PROS1: variants seen among roughly 807,000 people sequenced by gnomAD.
PROS1 encodes the protein vitamin K-dependent protein S.
PROS1 carries 29 observed loss-of-function variants against 75.9 expected under a neutral mutation model. That is an observed-to-expected ratio of 0.38 (90% CI 0.28 to 0.52). The LOEUF (loss-of-function observed/expected upper bound fraction) is 0.52. Ranked by LOEUF, PROS1 falls within the 20% of genes least tolerant of loss-of-function variation. The pLI, the probability that PROS1 is intolerant of heterozygous loss-of-function variation, is 0.83. For missense variants in PROS1, 680 were observed against 810.3 expected, an observed-to-expected ratio of 0.84 and a Z score of 1.95; for synonymous variants, 245 against 280.6, an observed-to-expected ratio of 0.87 and a Z score of 1.27.
Position 93,970,829 on chromosome 3 carries a change from GT to G in PROS1, c.76+2844del, listed in dbSNP as rs1342868001. On this transcript the variant is annotated intron_variant, in intron 1 of 14. Transcript: ENST00000394236. ...TAAAATAAAGCTATGATTTGTAAAT[GT>G]TTTTCTTTAAATCACAACTATAAGC... is the stretch of plus-strand genomic sequence containing the variant. 4.6e-5 allele frequency among the ~76,000 whole-genome samples: 7 copies of G among 152,152 alleles called. No homozygotes were observed. The East Asian group carries it at 1.4e-3, about 29-fold the overall frequency.
intron 13 of PROS1, among the ~76,000 whole-genome samples, chr3:93,878,851 G>T (rs1708229999): frequency 6.6e-6 from 1 of 151,950 alleles, no homozygotes; most frequent in Admixed American, 6.5e-5. Context: ...AATAAGGGTG[G>T]ATCTCTATGT....
intron 13 of PROS1, among the ~76,000 whole-genome samples, chr3:93,877,575 G>A: frequency 6.6e-6 from 1 of 152,078 alleles, no homozygotes; most frequent in Admixed American, 6.6e-5. Flanking sequence ...AAAGACTTGG[G>A]AAATTTAAAA....
chr3:93,901,948 C>T (rs1708601995), intron 6 of PROS1, among the ~76,000 whole-genome samples: 1 of 152,140 alleles, frequency 6.6e-6, no homozygotes. Context: ...GAGCTAAAAA[C>T]TCTATGTTTT....
intron 3 of PROS1, among the ~76,000 whole-genome samples, chr3:93,919,744 A>T (rs1002559059): frequency 6.6e-6 from 1 of 151,990 alleles, no homozygotes; most frequent in Non-Finnish European, 1.5e-5. Flanking sequence ...TCTTTATTCC[A>T]TCTAGAATTC....
At chr3:93,963,423 T>C (rs368370587) in intron 1 of PROS1, among the ~76,000 whole-genome samples, 5 of 152,170 alleles carry the variant, frequency 3.3e-5, no homozygotes, top group African/African-American at 1.2e-4. Context: ...GACTTCCTCC[T>C]CACCCTCAAA....
chr3:93,881,574 T>TC (rs1708276621), intron 12 of PROS1, among the ~76,000 whole-genome samples: 4 of 150,684 alleles, frequency 2.7e-5, no homozygotes, highest in Admixed American at 2.7e-4. Context: ...TTTTTTTTTT[T>TC]TGTGAGACAT....
At chr3:93,939,803 T>C (rs577319551) in intron 1 of PROS1, among the ~76,000 whole-genome samples, 2 of 152,262 alleles carry the variant, frequency 1.3e-5, no homozygotes, top group South Asian at 4.1e-4. Context: ...TCAATAAGCA[T>C]TTTATTACCC....
At chr3:93,945,660 CA>C (rs1490651363) in intron 1 of PROS1, among the ~76,000 whole-genome samples, 1 of 152,102 alleles carries the variant, frequency 6.6e-6, no homozygotes, top group Non-Finnish European at 1.5e-5. Context: ...GGACGTATCT[CA>C]AAATAATAAG....
Position 93,925,753 on chromosome 3 carries a change from G to A in PROS1, c.235-1489C>T, listed in dbSNP as rs1378155700. On this transcript the variant is annotated intron_variant, in intron 2 of 14. Transcript: ENST00000394236. The stretch of plus-strand genomic sequence containing the variant: ...ACGGGAGGATTGCCTGAGCGGGGGG[G>A]TCAGGGCTGCAGTGAACCATGATCA... Among the ~76,000 whole-genome samples, 4 of 150,246 alleles carry A rather than the reference G, an allele frequency of 2.7e-5. No homozygotes were observed. In the East Asian group the frequency reaches 5.9e-4, roughly 22 times the overall value.
chr3:93,948,098 T>C (rs1410387426), intron 1 of PROS1, among the ~76,000 whole-genome samples: 7 of 152,148 alleles, frequency 4.6e-5, no homozygotes, highest in Non-Finnish European at 7.3e-5. Context: ...ACTTAGGACT[T>C]TCTTCAAAAC....
At chr3:93,893,349 G>C (rs1708459536) in intron 9 of PROS1, among the ~76,000 whole-genome samples, 1 of 151,856 alleles carries the variant, frequency 6.6e-6, no homozygotes, top group African/African-American at 2.4e-5. Flanking sequence ...CTTATTCTTG[G>C]AATCTTTTCC....
chr3:93,952,850 A>T (rs747149215), intron 1 of PROS1, among the ~76,000 whole-genome samples: 1 of 152,216 alleles, frequency 6.6e-6, no homozygotes, highest in Admixed American at 6.5e-5. Flanking sequence ...ATAAAGAAGA[A>T]AAGAGAGAAG....
At chr3:93,948,406 T>C (rs951722148) in intron 1 of PROS1, among the ~76,000 whole-genome samples, 1 of 152,206 alleles carries the variant, frequency 6.6e-6, no homozygotes, top group Non-Finnish European at 1.5e-5. Context: ...TGGAGAGTTC[T>C]GTAGATGTCT....
chr3:93,909,621 C>A (rs1028626345), intron 4 of PROS1, among the ~76,000 whole-genome samples: 3 of 152,058 alleles, frequency 2.0e-5, no homozygotes, highest in African/African-American at 7.2e-5. Context: ...TCCACACCAG[C>A]CTCTAAACTT....
At position 93,898,573 on chromosome 3, in the gene PROS1, A is replaced by T; in HGVS notation, c.728-4T>A. The T allele has an allele frequency of 6.2e-7, 1 of 1,612,006 alleles. No individual in the cohort carries two copies. The highest frequency in any genetic ancestry group is 8.5e-7 in the Non-Finnish European group (1 of 1,178,462). On this transcript the variant is annotated splice_region_variant and splice_polypyrimidine_tract_variant and intron_variant, in intron 7 of 14. Transcript: ENST00000394236. ...TTCTCAGAGCATTCATCTATATCTG[A>T]GGTAAAAAAAACACACGCACACAAA...
chr3:93,876,587 T>C (rs1576171761), intron 14 of PROS1, among the ~76,000 whole-genome samples: 2 of 11,368 alleles, frequency 1.8e-4, no homozygotes, highest in African/African-American at 3.7e-4. Context: ...AGACTCCATC[T>C]CAAAAAAAAA....
In PROS1 at chr3:93,877,128, C is replaced by T. The variant is rs755684845; in HGVS notation, c.1708G>A (p.Asp570Asn). The T allele has an allele frequency of 2.2e-5, 35 of 1,612,500 alleles. No individual in the cohort carries two copies. Among genetic ancestry groups the T allele is most frequent in the South Asian group, 2.0e-4 (18 of 91,034 alleles). Residue 570 changes from aspartate (D) to asparagine (N), a missense_variant, in exon 14 of 15, where the codon GAT becomes AAT. By Grantham distance (23) the Asp-to-Asn change is conservative (BLOSUM62 1). Coordinates refer to ENST00000394236, the MANE Select transcript of PROS1 (RefSeq NM_000313.4). ...CTAAATTCCAGATGAGATTGTTGATCGGAACATAGACTTAGGGCCTGTATC... is the reference window on the plus strand; with the variant it reads ...CTAAATTCCAGATGAGATTGTTGATTGGAACATAGACTTAGGGCCTGTATC... ...YRIQALSLCSDQQSHLEFRVN... is the reference protein window; with the variant it reads ...YRIQALSLCSNQQSHLEFRVN...
At chr3:93,886,904 T>C (rs1430322160) in intron 10 of PROS1, among the ~76,000 whole-genome samples, 1 of 150,148 alleles carries the variant, frequency 6.7e-6, no homozygotes, top group East Asian at 1.9e-4. Context: ...ATAGTGTAAA[T>C]AAGTTCTTTT....
chr3:93,912,403 A>T (rs772598938), intron 3 of PROS1, among the ~76,000 whole-genome samples: 4 of 152,176 alleles, frequency 2.6e-5, no homozygotes, highest in Non-Finnish European at 4.4e-5. Flanking sequence ...CATTTGCCAT[A>T]TAAGGTAACA....
Sources: allele counts gnomAD v4.1 joint callset (sites outside exome capture counted in the v4.1 genomes callset), GRCh38; gene constraint gnomAD v4.1.1; transcripts MANE v1.5; gene names NCBI Gene and HGNC (gene_info 2026-07-23, HGNC 2026-07-21).